SEMA4D: variants seen among roughly 807,000 people sequenced by gnomAD.
SEMA4D encodes semaphorin-4D.
A neutral mutation model predicts 74.8 loss-of-function variants in SEMA4D; 22 were observed. That is an observed-to-expected ratio of 0.29 (90% CI 0.21 to 0.42). The LOEUF (loss-of-function observed/expected upper bound fraction) is 0.42. Ranked by LOEUF, SEMA4D falls within the 10% of genes least tolerant of loss-of-function variation. The pLI is 1.00. For synonymous variants in SEMA4D, 445 were observed against 463.7 expected (o/e 0.96, Z 0.52); for missense variants, 937 against 1,118.4 (o/e 0.84, Z 2.31).
At chr9:89,493,809 C>T (rs1196131557) in intron 1 of SEMA4D, among the ~76,000 whole-genome samples, 1 of 152,204 alleles carries the variant, frequency 6.6e-6, no homozygotes, top group African/African-American at 2.4e-5. Flanking sequence ...AAAACAAAGA[C>T]ACCACAGGAA....
chr9:89,460,444 T>A (rs955672717), intron 1 of SEMA4D, among the ~76,000 whole-genome samples: 2 of 152,248 alleles, frequency 1.3e-5, no homozygotes, highest in African/African-American at 4.8e-5. Context: ...TAAGAAAGCC[T>A]CTTCTTACTA....
chr9:89,415,206 A>C (rs1845461350), intron 2 of SEMA4D, among the ~76,000 whole-genome samples: 1 of 152,152 alleles, frequency 6.6e-6, no homozygotes, highest in African/African-American at 2.4e-5. Flanking sequence ...GTGTGCATGC[A>C]TCCTTGGGCC....
At chr9:89,362,871 T>C (rs948949246) in intron 18 of SEMA4D, among the ~76,000 whole-genome samples, 1 of 152,176 alleles carries the variant, frequency 6.6e-6, no homozygotes, top group Non-Finnish European at 1.5e-5. Context: ...ATCGGCTATT[T>C]AGGAGCCGGG....
chr9:89,455,561 G>A (rs1481237737), intron 2 of SEMA4D, among the ~76,000 whole-genome samples: 2 of 152,172 alleles, frequency 1.3e-5, no homozygotes, highest in Non-Finnish European at 2.9e-5. Context: ...TCCTGCCGGG[G>A]AAGCTGGTGC....
intron 2 of SEMA4D, among the ~76,000 whole-genome samples, chr9:89,438,058 G>A (rs935819841): frequency 1.3e-5 from 2 of 152,216 alleles, no homozygotes; most frequent in Non-Finnish European, 2.9e-5. Flanking sequence ...AGGAACCAGA[G>A]GACACTTTAC....
chr9:89,446,553 C>A (rs1397843059), intron 2 of SEMA4D, among the ~76,000 whole-genome samples: 1 of 152,226 alleles, frequency 6.6e-6, no homozygotes, highest in Non-Finnish European at 1.5e-5. Flanking sequence ...ATGATAAGCA[C>A]CACGGGGCCT....
chr9:89,436,851 C>T (rs1201052528), intron 2 of SEMA4D, among the ~76,000 whole-genome samples: 1 of 152,210 alleles, frequency 6.6e-6, no homozygotes, highest in African/African-American at 2.4e-5. Context: ...CAGGCCTGGC[C>T]ACTACTTCAG....
At chr9:89,424,089 C>T (rs1162313709) in intron 2 of SEMA4D, among the ~76,000 whole-genome samples, 3 of 151,448 alleles carry the variant, frequency 2.0e-5, no homozygotes, top group Non-Finnish European at 4.4e-5. Flanking sequence ...CAGTACTTCA[C>T]CTTCCCCAGC....
intron 1 of SEMA4D, among the ~76,000 whole-genome samples, chr9:89,475,274 C>G (rs141797400): frequency 1.7e-3 from 265 of 152,350 alleles, no homozygotes; most frequent in African/African-American, 6.1e-3. Context: ...CCCCACCCAC[C>G]TGGGAGCCAG....
chr9:89,484,291 C>T lies in SEMA4D; in HGVS notation c.-310+13628G>A, dbSNP rs533198874. Among the ~76,000 whole-genome samples the T allele has an allele frequency of 6.6e-6, 1 of 152,244 alleles. No homozygotes were observed. The highest frequency in any genetic ancestry group is 1.5e-5 in the Non-Finnish European group (1 of 68,044). On this transcript the variant is annotated intron_variant, in intron 1 of 15. Transcript: ENST00000422704. The surrounding 1 kb of genome is among the most constrained non-coding windows in gnomAD (Gnocchi z 4.1). ...TGCTCTGGGAACAAGGCACGCATGACCAGTCTAGGAAAAGTGTGCAAAGCT... is the reference window on the plus strand; with the variant it reads ...TGCTCTGGGAACAAGGCACGCATGATCAGTCTAGGAAAAGTGTGCAAAGCT...
intron 2 of SEMA4D, among the ~76,000 whole-genome samples, chr9:89,437,602 G>A (rs900561095): frequency 5.3e-4 from 78 of 146,960 alleles, no homozygotes; most frequent in African/African-American, 2.0e-3. Flanking sequence ...TCAGTGACAC[G>A]GGCACCTGCC....
intron 9 of SEMA4D, 142 bp from the exon 10 acceptor site, chr9:89,389,189 T>A (rs1018767672): frequency 1.3e-6 from 1 of 786,694 alleles, no homozygotes; most frequent in Non-Finnish European, 2.1e-6. Context: ...AGGAGACAGA[T>A]GCCGCAATTA....
Position 89,381,082 on chromosome 9 carries a change from T to G in SEMA4D, c.1636A>C (p.Met546Leu). The change falls in exon 15 of 16, where the codon ATG becomes CTG. Residue 546 changes from methionine (M) to leucine (L), a missense_variant. Transcript: ENST00000422704. This position sits in a 1 kb window ranked among gnomAD's most constrained non-coding sequence, Gnocchi z 4.6. ...ESPSRGLIQE[M>L]SGDASVCPDK... ...GGGCACACAGAAGCATCGCCGCTCA[T>G]CTCCTGAATCAAACCCCTGCAAAAC... 1 of 1,614,050 alleles carries G rather than the reference T, an allele frequency of 6.2e-7. No individual in the cohort carries two copies. Among genetic ancestry groups the G allele is most frequent in the African/African-American group, 1.3e-5 (1 of 75,010 alleles).
chr9:89,388,137 C>T (rs1838957242), intron 11 of SEMA4D, among the ~76,000 whole-genome samples: 1 of 152,188 alleles, frequency 6.6e-6, no homozygotes, highest in Non-Finnish European at 1.5e-5. Context: ...GCTGGTGCTG[C>T]AGTGAACTCT....
At chr9:89,470,422 C>A (rs946785401) in intron 1 of SEMA4D, among the ~76,000 whole-genome samples, 1 of 152,130 alleles carries the variant, frequency 6.6e-6, no homozygotes, top group Non-Finnish European at 1.5e-5. Context: ...GCAATTAAAA[C>A]CACAATGAGC....
Position 89,402,021 on chromosome 9 carries a change from T to C in SEMA4D, c.252+850A>G, listed in dbSNP as rs145304226. Among the ~76,000 whole-genome samples, 21 of 151,710 alleles carry C rather than the reference T, an allele frequency of 1.4e-4. No homozygotes were observed. In the East Asian group the frequency reaches 3.9e-3, roughly 28 times the overall value. ...GATGAGCCTGGATCTGACACCCAGC[T>C]GGGGATGTGAAGACAGAGGTGCATG... On this transcript the variant is annotated intron_variant, in intron 4 of 15. Coordinates refer to ENST00000422704, the MANE Select transcript of SEMA4D (RefSeq NM_001371194.2).
intron 1 of SEMA4D, among the ~76,000 whole-genome samples, chr9:89,494,575 G>A (rs770809689): frequency 5.9e-5 from 9 of 152,194 alleles, no homozygotes; most frequent in Non-Finnish European, 1.0e-4. Flanking sequence ...ATCTTTTAAA[G>A]TAAACCTTTG....
At chr9:89,475,936 G>A (rs1361452298) in intron 1 of SEMA4D, among the ~76,000 whole-genome samples, 2 of 152,190 alleles carry the variant, frequency 1.3e-5, no homozygotes, top group Non-Finnish European at 2.9e-5. Context: ...GGAAAATGAA[G>A]CAGTTTTTGG....
chr9:89,462,377 TACAGAGA>T (rs1408434838), intron 1 of SEMA4D, among the ~76,000 whole-genome samples: 1 of 152,218 alleles, frequency 6.6e-6, no homozygotes, highest in Non-Finnish European at 1.5e-5. Flanking sequence ...GGCTAGCTTC[TACAGAGA>T]AGCAGGCTCC....
Sources: gnomAD v4.1 joint callset for allele counts (sites outside exome capture counted in the v4.1 genomes callset) on GRCh38, gnomAD v4.1.1 for gene constraint, Gnocchi (gnomAD v3.1) non-coding constraint, MANE v1.5 for transcripts, NCBI Gene and HGNC (gene_info 2026-07-23, HGNC 2026-07-21) for gene names.